TRPC1: variants seen among roughly 807,000 people sequenced by gnomAD.
TRPC1 encodes short transient receptor potential channel 1.
TRPC1 carries 42 observed loss-of-function variants against 88.2 expected under a neutral mutation model. That is an observed-to-expected ratio of 0.48 (90% CI 0.37 to 0.62). The LOEUF (loss-of-function observed/expected upper bound fraction) is 0.62. TRPC1 is among the 20% of genes least tolerant of loss of function. TRPC1 has a pLI of 0.00. For missense variants in TRPC1, 699 were observed against 957.3 expected (o/e 0.73, Z 3.56); for synonymous variants, 288 against 331.8 (o/e 0.87, Z 1.43).
At chr3:142,756,100 A>G (rs185122628) in intron 4 of TRPC1, among the ~76,000 whole-genome samples, 1 of 151,918 alleles carries the variant, frequency 6.6e-6, no homozygotes, top group South Asian at 2.1e-4. Flanking sequence ...CATTTTAAAA[A>G]TTGTTGAGCA....
intron 4 of TRPC1, among the ~76,000 whole-genome samples, chr3:142,771,717 T>C (rs1413923767): frequency 6.6e-6 from 1 of 152,188 alleles, no homozygotes; most frequent in Non-Finnish European, 1.5e-5. Context: ...CAAATGTAAA[T>C]AGAAATATAT....
intron 7 of TRPC1, among the ~76,000 whole-genome samples, chr3:142,788,364 G>C (rs1438611355): frequency 6.6e-6 from 1 of 152,042 alleles, no homozygotes; most frequent in Non-Finnish European, 1.5e-5. Context: ...TATAATGTAA[G>C]GCCAGTAGGA....
chr3:142,802,535 T>C (rs1385977130), intron 10 of TRPC1, among the ~76,000 whole-genome samples, 191 bp downstream of exon 10: 1 of 152,188 alleles, frequency 6.6e-6, no homozygotes, highest in African/African-American at 2.4e-5. Flanking sequence ...TCTTAAATAG[T>C]GGGTCCAAGT....
intron 4 of TRPC1, among the ~76,000 whole-genome samples, chr3:142,749,777 C>T (rs1162712067): frequency 1.3e-5 from 2 of 152,112 alleles, no homozygotes; most frequent in Non-Finnish European, 2.9e-5. Context: ...CACACATCTA[C>T]AACCATCTGA....
rs370418779 is a variant in TRPC1, at chr3:142,724,672, G to C, written c.113G>C (p.Arg38Pro). 1 of 1,611,882 alleles carries C rather than the reference G, an allele frequency of 6.2e-7. No individual in the cohort carries two copies. The highest frequency in any genetic ancestry group is 8.5e-7 in the Non-Finnish European group (1 of 1,178,674). ...GAGGTGATGGCGCTGAAGGATGTGC[G>C]GGAGGTGAAGGAGGAGAATACGCTG... ...PNEVMALKDV[R>P]EVKEENTLNE... The change falls in exon 1 of 13, where the codon CGG becomes CCG. Residue 38 changes from arginine to proline, a missense_variant. Around this residue, in one of 4 missense-constraint regions of TRPC1, gnomAD observed 157 missense variants for 127.0 expected, o/e 1.24. Transcript: ENST00000476941. The surrounding 1 kb of genome is among the most constrained non-coding windows in gnomAD (Gnocchi z 5.6).
intron 7 of TRPC1, among the ~76,000 whole-genome samples, chr3:142,786,905 TTA>T (rs1936151146): frequency 6.6e-6 from 1 of 152,170 alleles, no homozygotes; most frequent in Admixed American, 6.5e-5. Flanking sequence ...AAATTAAAGT[TTA>T]TATGTCTTAG....
intron 4 of TRPC1, among the ~76,000 whole-genome samples, chr3:142,753,842 C>T (rs2108057681): frequency 6.6e-6 from 1 of 152,010 alleles, no homozygotes; most frequent in South Asian, 2.1e-4. Flanking sequence ...CGCCTATAAT[C>T]CTAGCATTTT....
intron 12 of TRPC1, among the ~76,000 whole-genome samples, chr3:142,805,799 A>G (rs1208933622): frequency 6.6e-6 from 1 of 152,178 alleles, no homozygotes; most frequent in Non-Finnish European, 1.5e-5. Context: ...ATTTTTTTCA[A>G]TCAAGATAAG....
rs1168680993 is a variant in TRPC1 at position 142,776,764 on chromosome 3, G to A, written c.633-868G>A. 2.0e-5 allele frequency among the ~76,000 whole-genome samples: 3 copies of A among 151,942 alleles called. No individual in the cohort carries two copies. The highest frequency in any genetic ancestry group is 2.9e-5 in the Non-Finnish European group (2 of 67,998). On this transcript the variant is annotated intron_variant, in intron 4 of 12. Coordinates refer to ENST00000476941, the MANE Select transcript of TRPC1 (RefSeq NM_001251845.2). The surrounding 1 kb of genome is among the most constrained non-coding windows in gnomAD (Gnocchi z 4.1). ...CTAAAAATACAAAAATTAGCCAGGC[G>A]TGGTGGCACATGCCTGTAATCCCAG...
At chr3:142,774,031 T>A (rs1462946681) in intron 4 of TRPC1, among the ~76,000 whole-genome samples, 1 of 152,182 alleles carries the variant, frequency 6.6e-6, no homozygotes, top group East Asian at 1.9e-4. Context: ...GCTTTGTTTG[T>A]GTTTTAGTCT....
At chr3:142,757,140 G>A (rs534624206) in intron 4 of TRPC1, among the ~76,000 whole-genome samples, 2 of 152,126 alleles carry the variant, frequency 1.3e-5, no homozygotes, top group East Asian at 1.9e-4. Context: ...GGGTACTTAG[G>A]TTGAGTCCAT....
chr3:142,790,774 GT>G (rs1936271257), intron 7 of TRPC1, among the ~76,000 whole-genome samples: 1 of 151,866 alleles, frequency 6.6e-6, no homozygotes, highest in Non-Finnish European at 1.5e-5. Context: ...AATTTATTTG[GT>G]TTCTTACGTT....
rs1934626434 is a variant in TRPC1 at position 142,748,183 on chromosome 3, AT to A, written c.430-72del. The stretch of plus-strand genomic sequence containing the variant: ...GTTCTTTGTGCCTTCCTATTTTTTC[AT>A]TTCATTCTTCAGATAAATATATTTT... On this transcript the variant is annotated intron_variant, in intron 3 of 12. Coordinates refer to ENST00000476941, the MANE Select transcript of TRPC1 (RefSeq NM_001251845.2). 10 of 1,296,470 alleles carry A rather than the reference AT, an allele frequency of 7.7e-6. 1 individual carries two copies. Among genetic ancestry groups the A allele is most frequent in the East Asian group, 4.9e-5 (2 of 40,464 alleles). 80.3% of individuals were successfully genotyped at this position (1,296,470 alleles called of 1,614,324 possible).
intron 6 of TRPC1, 75 bp from the exon 7 acceptor site, chr3:142,784,629 G>C (rs1936073348): frequency 3.4e-6 from 4 of 1,174,470 alleles, no homozygotes; most frequent in Non-Finnish European, 4.8e-6. Context: ...AGTAAACTTT[G>C]AATATCAACC....
At chr3:142,727,758 T>A (rs1182422163) in intron 1 of TRPC1, among the ~76,000 whole-genome samples, 1 of 152,156 alleles carries the variant, frequency 6.6e-6, no homozygotes, top group Non-Finnish European at 1.5e-5. Flanking sequence ...GAGGTAAAAC[T>A]TAATTGAAAC....
chr3:142,763,553 T>A (rs560867727), intron 4 of TRPC1, among the ~76,000 whole-genome samples: 46 of 152,040 alleles, frequency 3.0e-4, no homozygotes, highest in Non-Finnish European at 6.0e-4. Flanking sequence ...TCAGTCTCAG[T>A]CTATGTGTAT....
intron 4 of TRPC1, among the ~76,000 whole-genome samples, chr3:142,764,876 A>G (rs6784134): frequency 0.081 from 12,315 of 152,060 alleles, 801 homozygotes; most frequent in African/African-American, 0.17. Flanking sequence ...CTCCCTCTTA[A>G]ACACAGGAAT....
At chr3:142,785,236 G>T in intron 7 of TRPC1, 196 bp downstream of exon 7, 1 of 448,070 alleles carries the variant, frequency 2.2e-6, no homozygotes. Flanking sequence ...TTGATGATAA[G>T]GAAGCATCTC....
chr3:142,729,172 A>T (rs1464167454), intron 1 of TRPC1, among the ~76,000 whole-genome samples: 2 of 152,220 alleles, frequency 1.3e-5, no homozygotes, highest in East Asian at 3.8e-4. Context: ...CTTAGTGGAT[A>T]ATTTATCTCT....
Sources: allele counts gnomAD v4.1 joint callset (sites outside exome capture counted in the v4.1 genomes callset), GRCh38; gene constraint gnomAD v4.1.1; regional missense constraint gnomAD v4.1.1; non-coding constraint Gnocchi (gnomAD v3.1); transcripts MANE v1.5; gene names NCBI Gene and HGNC (gene_info 2026-07-23, HGNC 2026-07-21).